ZNF618: variants seen among roughly 807,000 people sequenced by gnomAD.
The protein encoded by ZNF618 is neural precursor cell expressed, developmentally down-regulated 10.
A neutral mutation model predicts 103.0 loss-of-function variants in ZNF618; 34 were observed. That is an observed-to-expected ratio of 0.33 (90% CI 0.25 to 0.44). ZNF618 has a LOEUF of 0.44. Ranked by LOEUF, ZNF618 falls within the 20% of genes least tolerant of loss-of-function variation. The pLI is 1.00. For synonymous variants in ZNF618, 551 were observed against 542.2 expected (o/e 1.02, Z -0.23); for missense variants, 1,059 against 1,295.4 (o/e 0.82, Z 2.80).
Position 114,044,658 on chromosome 9 carries a change from C to G in ZNF618, c.1247-3235C>G, listed in dbSNP as rs576562887. Among the ~76,000 whole-genome samples the G allele has an allele frequency of 4.5e-4, 68 of 152,226 alleles. 3 individuals are homozygous for G. The South Asian group carries it at 0.013, about 30-fold the overall frequency. On this transcript the variant is annotated intron_variant, in intron 13 of 14. Transcript: ENST00000374126. Reference sequence around the variant, plus strand: ...TATGGTCATTTTCACAATATTGATTCTACCCATCCATGAGCACGGGATGTG... The same window carrying G: ...TATGGTCATTTTCACAATATTGATTGTACCCATCCATGAGCACGGGATGTG...
At chr9:113,899,659 G>C (rs2131212435) in intron 1 of ZNF618, among the ~76,000 whole-genome samples, 2 of 152,280 alleles carry the variant, frequency 1.3e-5, no homozygotes, top group Middle Eastern at 6.8e-3. Context: ...ACTGGTCCCT[G>C]GTACCAAAAG....
intron 14 of ZNF618, 41 bp from the exon 15 acceptor site, chr9:114,048,610 A>G (rs3827675): frequency 0.23 from 360,600 of 1,568,738 alleles, 43,624 homozygotes; most frequent in South Asian, 0.27. Context: ...GCAGCCTTGA[A>G]TGCCAGAATT....
At chr9:113,911,591 C>G (rs1030239284) in intron 1 of ZNF618, among the ~76,000 whole-genome samples, 1 of 151,748 alleles carries the variant, frequency 6.6e-6, no homozygotes, top group East Asian at 1.9e-4. Flanking sequence ...GGCCTCCCAA[C>G]GTGCTGGGAT....
At chr9:114,014,182 G>A (rs1842477015) in intron 9 of ZNF618, among the ~76,000 whole-genome samples, 1 of 152,204 alleles carries the variant, frequency 6.6e-6, no homozygotes, top group Non-Finnish European at 1.5e-5. Flanking sequence ...GGTGGAGCAT[G>A]AACAAGACTT....
Position 114,049,834 on chromosome 9 carries a change from C to T in ZNF618, c.2532C>T (p.Ala844=), listed in dbSNP as rs62640055. The T allele has an allele frequency of 4.5e-3, 7,335 of 1,613,900 alleles. 265 individuals are homozygous for T. In the African/African-American group the frequency reaches 0.082, roughly 18 times the overall value. ...TGAAGGAGTCCTGGGCCGAGGAGGC[C>T]GACTTCGAGCCCGCTGCCAAGAAGC... ...NEVKESWAEE[A]DFEPAAKKPR... Residue 844 remains alanine, a synonymous_variant, in exon 15 of 15, where the codon GCC becomes GCT. Coordinates refer to ENST00000374126, the MANE Select transcript of ZNF618 (RefSeq NM_001318042.2).
At chr9:113,958,717 T>C (rs1836550689) in intron 1 of ZNF618, among the ~76,000 whole-genome samples, 2 of 152,192 alleles carry the variant, frequency 1.3e-5, no homozygotes, top group East Asian at 3.9e-4. Context: ...CCTGGTGTAC[T>C]GCTGGAGCCT....
Position 114,052,320 on chromosome 9 carries a change from T to TGC in ZNF618, c.*2154_*2155insCG. On this transcript the variant is annotated 3_prime_UTR_variant, in exon 15 of 15. Coordinates refer to ENST00000374126, the MANE Select transcript of ZNF618 (RefSeq NM_001318042.2). Reference sequence around the variant, plus strand: ...TTTCCACATTTGCTCCAGCAAACTGTGGTCTCAGGAACTACCATGCCATTT... The same window carrying TGC: ...TTTCCACATTTGCTCCAGCAAACTGTGCGGTCTCAGGAACTACCATGCCATTT... 6.6e-6 allele frequency: 1 copy of TGC among 152,622 alleles called. No homozygotes were observed. Among genetic ancestry groups the TGC allele is most frequent in the East Asian group, 1.9e-4 (1 of 5,194 alleles). The allele number at this position is 152,622 out of a possible 1,614,324, so 9.5% of individuals were successfully genotyped here. A position where few individuals can be genotyped will look rare whatever the true frequency, so the allele number is the denominator to read the frequency against.
chr9:113,971,641 C>T (rs745811317), intron 2 of ZNF618, among the ~76,000 whole-genome samples: 1 of 152,222 alleles, frequency 6.6e-6, no homozygotes, highest in Non-Finnish European at 1.5e-5. Context: ...ATGAATCTCT[C>T]CTACACGAGT....
chr9:114,051,641 G>C lies in ZNF618; in HGVS notation c.*1474G>C, dbSNP rs893957148. On this transcript the variant is annotated 3_prime_UTR_variant, in exon 15 of 15. Coordinates refer to ENST00000374126, the MANE Select transcript of ZNF618 (RefSeq NM_001318042.2). ...CCTCGGGGTCCTCACTCACACCTCC[G>C]ACTTCCAGGACGGCAGTGAGCATGG... The C allele has an allele frequency of 6.6e-6, 1 of 152,254 alleles. No individual in the cohort carries two copies. The highest frequency in any genetic ancestry group is 1.5e-5 in the Non-Finnish European group (1 of 68,062). 9.4% of individuals were successfully genotyped at this position (152,254 alleles called of 1,614,324 possible). A position where few individuals can be genotyped will look rare whatever the true frequency, so the allele number is the denominator to read the frequency against.
At chr9:114,033,918 G>A (rs1844340807) in intron 12 of ZNF618, among the ~76,000 whole-genome samples, 1 of 152,162 alleles carries the variant, frequency 6.6e-6, no homozygotes, top group Non-Finnish European at 1.5e-5. Flanking sequence ...AGCCAGGAGC[G>A]CAGACTTGAG....
At chr9:114,012,945 A>G (rs1842376750) in intron 9 of ZNF618, among the ~76,000 whole-genome samples, 2 of 152,136 alleles carry the variant, frequency 1.3e-5, no homozygotes, top group South Asian at 4.1e-4. Flanking sequence ...TTCGATATAA[A>G]GAGACCTGTA....
At chr9:113,897,586 T>C (rs546863959) in intron 1 of ZNF618, among the ~76,000 whole-genome samples, 1 of 152,370 alleles carries the variant, frequency 6.6e-6, no homozygotes, top group East Asian at 1.9e-4. Context: ...TCTCATCTTT[T>C]TAAAATGGTA....
intron 2 of ZNF618, among the ~76,000 whole-genome samples, chr9:113,975,996 C>A (rs1268489511): frequency 1.3e-5 from 2 of 152,162 alleles, no homozygotes; most frequent in Admixed American, 1.3e-4. Flanking sequence ...TCCAAAGGGG[C>A]CGGTTGCTTT....
At chr9:113,961,870 A>G (rs548311049) in intron 1 of ZNF618, among the ~76,000 whole-genome samples, 1 of 152,350 alleles carries the variant, frequency 6.6e-6, no homozygotes, top group African/African-American at 2.4e-5. Context: ...GTAGCTAGAC[A>G]GAAAAACAGT....
At position 114,055,817 on chromosome 9, in the gene ZNF618, A is replaced by G. The variant is rs1054549656; in HGVS notation, c.*5650A>G. On this transcript the variant is annotated 3_prime_UTR_variant, in exon 15 of 15. Coordinates refer to ENST00000374126, the MANE Select transcript of ZNF618 (RefSeq NM_001318042.2). Reference sequence around the variant, plus strand: ...TTAATGAATATTTTTCTTAATCCTTATAAGTTTTATGTGTTTAATATTTCT... The same window carrying G: ...TTAATGAATATTTTTCTTAATCCTTGTAAGTTTTATGTGTTTAATATTTCT... 36 of 152,172 alleles carry G rather than the reference A, an allele frequency of 2.4e-4. No individual in the cohort carries two copies. Among genetic ancestry groups the G allele is most frequent in the African/African-American group, 8.2e-4 (34 of 41,330 alleles). The allele number at this position is 152,172 out of a possible 1,614,324, so 9.4% of individuals were successfully genotyped here.
chr9:114,050,356 G>GCACA lies in ZNF618; in HGVS notation c.*192_*193insACAC. 1 of 652,298 alleles carries GCACA rather than the reference G, an allele frequency of 1.5e-6. No individual in the cohort carries two copies. Among genetic ancestry groups the GCACA allele is most frequent in the Non-Finnish European group, 2.5e-6 (1 of 403,546 alleles). 40.4% of individuals were successfully genotyped at this position (652,298 alleles called of 1,614,324 possible). A position where few individuals can be genotyped will look rare whatever the true frequency, so the allele number is the denominator to read the frequency against. On this transcript the variant is annotated 3_prime_UTR_variant, in exon 15 of 15. Transcript: ENST00000374126. ...TGTATGTACACAGCCACACGTGTGT[G>GCACA]CACGTGTCTGAACACGTGCTGTGGT...
intron 10 of ZNF618, among the ~76,000 whole-genome samples, chr9:114,020,878 A>C (rs1843018487): frequency 6.6e-6 from 1 of 152,030 alleles, no homozygotes; most frequent in Non-Finnish European, 1.5e-5. Context: ...GTTCCCAATC[A>C]TAGAGTTCAG....
At chr9:114,001,672 G>A (rs1339075164) in intron 4 of ZNF618, among the ~76,000 whole-genome samples, 1 of 152,224 alleles carries the variant, frequency 6.6e-6, no homozygotes, top group Non-Finnish European at 1.5e-5. Context: ...TCCTTTCAGA[G>A]CACTTTTAAC....
intron 1 of ZNF618, among the ~76,000 whole-genome samples, chr9:113,899,433 A>G (rs1830322597): frequency 6.6e-6 from 1 of 152,178 alleles, no homozygotes. Flanking sequence ...GTATAGCAGG[A>G]GGTAAGCCAG....
Sources: gnomAD v4.1 joint callset for allele counts (sites outside exome capture counted in the v4.1 genomes callset) on GRCh38, gnomAD v4.1.1 for gene constraint, MANE v1.5 for transcripts, NCBI Gene and HGNC (gene_info 2026-07-23, HGNC 2026-07-21) for gene names.